The following CASP8 variants were observed in gnomAD, a reference collection of about 807,000 sequenced individuals.
CASP8 encodes caspase 8.
In CASP8, 24 loss-of-function variants were observed where a neutral mutation model predicts 46.3. The observed-to-expected ratio is 0.52, with a 90% confidence interval of 0.38 to 0.73. The LOEUF (loss-of-function observed/expected upper bound fraction) is 0.73. Ranked by LOEUF, CASP8 falls within the 30% of genes least tolerant of loss-of-function variation. The pLI, the probability that CASP8 is intolerant of heterozygous loss-of-function variation, is 0.00. For missense variants in CASP8, 460 were observed against 559.0 expected (o/e 0.82, Z 1.79); for synonymous variants, 188 against 200.4 (o/e 0.94, Z 0.52).
chr2:201,284,400 G>T (rs1339677696), intron 7 of CASP8, among the ~76,000 whole-genome samples: 1 of 76,152 alleles, frequency 1.3e-5, no homozygotes, highest in Non-Finnish European at 3.0e-5. Context: ...AGCACTGAGT[G>T]AACGAGACTC....
At chr2:201,262,373 A>C (rs1256951108) in intron 1 of CASP8, 1 of 151,592 alleles carries the variant, frequency 6.6e-6, no homozygotes, top group Non-Finnish European at 1.5e-5. Context: ...TATGATTATT[A>C]TAAACACATA....
chr2:201,242,875 A>G (rs1946361131), intron 2 of CASP8: 1 of 152,380 alleles, frequency 6.6e-6, no homozygotes, highest in African/African-American at 2.4e-5. Context: ...TGGTAGTCAC[A>G]TAAAATGGAA....
At chr2:201,271,265 C>T (rs1948227918) in intron 2 of CASP8, among the ~76,000 whole-genome samples, 1 of 151,740 alleles carries the variant, frequency 6.6e-6, no homozygotes, top group Non-Finnish European at 1.5e-5. Context: ...ACAAGATTTA[C>T]TCAACTGAAA....
intron 3 of CASP8, among the ~76,000 whole-genome samples, chr2:201,271,879 G>A (rs1948275275): frequency 1.3e-5 from 2 of 152,230 alleles, no homozygotes; most frequent in Admixed American, 1.3e-4. Flanking sequence ...ACCCGGCAGA[G>A]CTGGGAAAGA....
chr2:201,247,647 T>C (rs1946591158), intron 2 of CASP8, among the ~76,000 whole-genome samples: 1 of 151,246 alleles, frequency 6.6e-6, no homozygotes, highest in Admixed American at 6.6e-5. Flanking sequence ...CCTGGCTAAT[T>C]CTTGTATTTT....
At chr2:201,278,977 T>A in intron 7 of CASP8, among the ~76,000 whole-genome samples, 1 of 151,608 alleles carries the variant, frequency 6.6e-6, no homozygotes, top group East Asian at 1.9e-4. Context: ...TTTCCAACAA[T>A]TTGGGGGAGT....
chr2:201,268,949 G>GTGTT (rs1317220329), intron 2 of CASP8, among the ~76,000 whole-genome samples: 1 of 149,474 alleles, frequency 6.7e-6, no homozygotes, highest in East Asian at 1.9e-4. Context: ...GTGTGTGTGT[G>GTGTT]TGTGTGTGAG....
At chr2:201,282,822 AC>A (rs1218760542) in intron 7 of CASP8, among the ~76,000 whole-genome samples, 6 of 68,310 alleles carry the variant, frequency 8.8e-5, no homozygotes, top group Non-Finnish European at 1.0e-4. Context: ...AGGGGGGCTG[AC>A]CCCCCCACCT....
At chr2:201,238,342 T>C (rs2124872302) in intron 2 of CASP8, among the ~76,000 whole-genome samples, 1 of 152,296 alleles carries the variant, frequency 6.6e-6, no homozygotes, top group East Asian at 1.9e-4. Context: ...CTAAAGGTTA[T>C]CTACAAGATA....
At chr2:201,279,311 G>GC (rs1948848863) in intron 7 of CASP8, among the ~76,000 whole-genome samples, 1 of 152,164 alleles carries the variant, frequency 6.6e-6, no homozygotes, top group Non-Finnish European at 1.5e-5. Context: ...GGTGTGCCAG[G>GC]CCCAGCAAAG....
At chr2:201,275,580 TG>T (rs1948582686) in intron 6 of CASP8, among the ~76,000 whole-genome samples, 1 of 152,252 alleles carries the variant, frequency 6.6e-6, no homozygotes, top group African/African-American at 2.4e-5. Context: ...TTCACTAGTG[TG>T]GGCTCCTGAG....
At chr2:201,284,606 C>T (rs1421526712) in intron 7 of CASP8, among the ~76,000 whole-genome samples, 1 of 56,424 alleles carries the variant, frequency 1.8e-5, no homozygotes, top group African/African-American at 5.6e-5. Context: ...AGGGAGGTTG[C>T]AGTGAGCCGA....
Position 201,285,314 on chromosome 2 carries a change from C to G in CASP8, c.1301C>G (p.Pro434Arg), listed in dbSNP as rs2125492057. 1 of 1,613,292 alleles carries G rather than the reference C, an allele frequency of 6.2e-7. No individual in the cohort carries two copies. Among genetic ancestry groups the G allele is most frequent in the Non-Finnish European group, 8.5e-7 (1 of 1,180,034 alleles). ...SLCQSLRERC[P>R]RGDDILTILT... ...TGCCAGAGCCTGAGAGAGCGATGTC[C>G]TCGGTAAGTTTTGCCTACTCAGCCC... Residue 434 changes from proline to arginine, a missense_variant, in exon 8 of 9, where the codon CCT becomes CGT. By Grantham distance (103) the Pro-to-Arg change is moderately radical. Transcript: ENST00000673742.
At chr2:201,268,473 C>A (rs942977992) in intron 2 of CASP8, among the ~76,000 whole-genome samples, 1 of 152,030 alleles carries the variant, frequency 6.6e-6, no homozygotes. Flanking sequence ...ATTGCTTGAA[C>A]CCAGGAGGTG....
intron 2 of CASP8, among the ~76,000 whole-genome samples, chr2:201,253,779 C>A (rs1428850534): frequency 1.3e-5 from 2 of 151,990 alleles, no homozygotes; most frequent in Non-Finnish European, 2.9e-5. Context: ...TCTTCTATGC[C>A]CAAACCTTTA....
At chr2:201,234,025 CT>C (rs1945936449) in exon 2 of CASP8, 1 of 152,484 alleles carries the variant, frequency 6.6e-6, no homozygotes, top group African/African-American at 2.4e-5. Flanking sequence ...GGAGCAGCCC[CT>C]GGGTGCGTCC....
chr2:201,236,012 T>A (rs571843915), intron 2 of CASP8, among the ~76,000 whole-genome samples: 3 of 152,350 alleles, frequency 2.0e-5, no homozygotes, highest in African/African-American at 7.2e-5. Flanking sequence ...GTACATTCTA[T>A]GATGTTGGCA....
intron 2 of CASP8, among the ~76,000 whole-genome samples, chr2:201,253,684 T>A (rs181863950): frequency 6.6e-6 from 1 of 152,274 alleles, no homozygotes; most frequent in East Asian, 1.9e-4. Flanking sequence ...AAAAGATGGT[T>A]CTTGACAATT....
chr2:201,258,251 C>T (rs762986379), upstream of CASP8: 16 of 1,606,992 alleles, frequency 1.0e-5, no homozygotes, highest in Admixed American at 2.3e-4. Context: ...GGCAGAAGAG[C>T]CAGGGTGGTT....
Sources: allele counts gnomAD v4.1 joint callset (sites outside exome capture counted in the v4.1 genomes callset), GRCh38; gene constraint gnomAD v4.1.1; transcripts MANE v1.5; gene names NCBI Gene and HGNC (gene_info 2026-07-23, HGNC 2026-07-21).